Variants in EFHD1 observed in about 807,000 individuals in gnomAD.
The protein encoded by EFHD1 is EF-hand domain-containing protein D1.
Under a neutral mutation model 17.2 loss-of-function variants are expected in EFHD1, and 10 were observed. The ratio of observed to expected loss-of-function variants is 0.58; its 90% CI spans 0.36 to 0.99. The LOEUF (loss-of-function observed/expected upper bound fraction) is 0.99. EFHD1 is among the 50% of genes least tolerant of loss of function. The pLI, the probability that EFHD1 is intolerant of heterozygous loss-of-function variation, is 0.01. For missense variants in EFHD1, 310 were observed against 327.5 expected (o/e 0.95, Z 0.41); for synonymous variants, 153 against 142.0 (o/e 1.08, Z -0.55).
intron 1 of EFHD1, among the ~76,000 whole-genome samples, chr2:232,608,347 G>A (rs1693756145): frequency 6.6e-6 from 1 of 152,022 alleles, no homozygotes; most frequent in South Asian, 2.1e-4. Flanking sequence ...TCCAGCCTGA[G>A]CGAGACTTCA....
chr2:232,608,166 TC>T (rs1693753569), intron 1 of EFHD1, among the ~76,000 whole-genome samples: 1 of 151,890 alleles, frequency 6.6e-6, no homozygotes, highest in Admixed American at 6.6e-5. Flanking sequence ...AGTCAGGAGT[TC>T]AAGACTAGCC....
chr2:232,649,156 C>A (rs1694589143), intron 1 of EFHD1, among the ~76,000 whole-genome samples: 1 of 152,196 alleles, frequency 6.6e-6, no homozygotes, highest in South Asian at 2.1e-4. Flanking sequence ...GGACCTGAAA[C>A]CGGGAGGACG....
At chr2:232,622,068 C>T (rs191757517) in intron 1 of EFHD1, among the ~76,000 whole-genome samples, 8 of 152,340 alleles carry the variant, frequency 5.3e-5, no homozygotes, top group African/African-American at 1.9e-4. Flanking sequence ...GTGCCTAGCA[C>T]GAGGCAAACC....
Position 232,620,552 on chromosome 2 carries a change from A to AT in EFHD1, c.14+14389dup, listed in dbSNP as rs35098973. On this transcript the variant is annotated intron_variant, in intron 1 of 3. Coordinates refer to the EFHD1 transcript ENST00000409613. ...AGGTGTGTGCCATCACTCCTGTCTG[A>AT]TTTTTTTTTTGGTAGAGACAGGGTC... Among the ~76,000 whole-genome samples the AT allele has an allele frequency of 6.4e-3, 948 of 147,386 alleles. 8 individuals carry two copies. The highest frequency in any genetic ancestry group is 0.022 in the African/African-American group (883 of 40,378).
chr2:232,672,250 G>A (rs1451465523), intron 2 of EFHD1, 59 bp from the exon 3 acceptor site: 2 of 1,609,324 alleles, frequency 1.2e-6, no homozygotes, highest in African/African-American at 2.7e-5. Flanking sequence ...GGACCAGAGG[G>A]CTGGTTATGA....
chr2:232,607,299 G>A (rs1287518681), intron 1 of EFHD1, among the ~76,000 whole-genome samples: 1 of 151,794 alleles, frequency 6.6e-6, no homozygotes, highest in African/African-American at 2.4e-5. Flanking sequence ...AAAATTAGCC[G>A]GTCGGGCTGG....
chr2:232,611,070 C>T (rs1416119031), intron 1 of EFHD1, among the ~76,000 whole-genome samples: 1 of 152,164 alleles, frequency 6.6e-6, no homozygotes, highest in Non-Finnish European at 1.5e-5. Flanking sequence ...CCTAGATACT[C>T]AGGAGGCTGA....
At chr2:232,612,739 T>C (rs565588639) in intron 1 of EFHD1, among the ~76,000 whole-genome samples, 5 of 150,694 alleles carry the variant, frequency 3.3e-5, no homozygotes, top group Admixed American at 6.6e-5. Context: ...CTTTTCTTTT[T>C]TTTTTTTTTT....
chr2:232,653,240 G>A (rs946943036), intron 1 of EFHD1, among the ~76,000 whole-genome samples: 4 of 151,984 alleles, frequency 2.6e-5, no homozygotes, highest in African/African-American at 4.8e-5. Flanking sequence ...TGATCCACCC[G>A]CCTAGGCCTC....
At chr2:232,646,559 C>T (rs1484819965) in intron 1 of EFHD1, among the ~76,000 whole-genome samples, 2 of 149,866 alleles carry the variant, frequency 1.3e-5, no homozygotes, top group African/African-American at 2.4e-5. Context: ...ATTCTCCTGC[C>T]TCAGCCTCCT....
At chr2:232,641,786 G>A (rs948090572) in intron 1 of EFHD1, among the ~76,000 whole-genome samples, 24 of 152,134 alleles carry the variant, frequency 1.6e-4, no homozygotes, top group South Asian at 4.1e-4. Context: ...CTCACTTCTC[G>A]GCCTTTCCTC....
chr2:232,629,358 G>A (rs1694161470), upstream of EFHD1, among the ~76,000 whole-genome samples: 1 of 152,186 alleles, frequency 6.6e-6, no homozygotes, highest in African/African-American at 2.4e-5. Flanking sequence ...ATTTTCAGCT[G>A]CTCTACAGCA....
upstream of EFHD1, among the ~76,000 whole-genome samples, chr2:232,630,879 GA>G (rs1559341353): frequency 6.6e-6 from 1 of 151,756 alleles, no homozygotes; most frequent in African/African-American, 2.4e-5. Flanking sequence ...AGAGCTGTTA[GA>G]TTTTTTTAAC....
intron 1 of EFHD1, among the ~76,000 whole-genome samples, chr2:232,623,693 AAG>A (rs1370388496): frequency 5.9e-4 from 53 of 90,572 alleles, no homozygotes; most frequent in African/African-American, 1.6e-3. Context: ...AAAAAAAAAA[AAG>A]AAGAAGAAGA....
intron 1 of EFHD1, among the ~76,000 whole-genome samples, chr2:232,651,164 T>A (rs1694646912): frequency 6.6e-6 from 1 of 152,154 alleles, no homozygotes; most frequent in South Asian, 2.1e-4. Context: ...AGGGCCTCCC[T>A]CCTGGATTGA....
chr2:232,667,265 A>T (rs1694984030), intron 2 of EFHD1, among the ~76,000 whole-genome samples: 1 of 152,100 alleles, frequency 6.6e-6, no homozygotes, highest in Non-Finnish European at 1.5e-5. Context: ...CCATGGATGG[A>T]CCGCTGGTCT....
chr2:232,633,662 CCGTCCCGCGTCCCCG>C lies in EFHD1; in HGVS notation c.-39_-25del. 7.2e-7 allele frequency: 1 copy of C among 1,388,906 alleles called. No individual in the cohort carries two copies. Among genetic ancestry groups the C allele is most frequent in the East Asian group, 3.1e-5 (1 of 32,462 alleles). The allele number at this position is 1,388,906 out of a possible 1,614,324, so 86.0% of individuals were successfully genotyped here. A position where few individuals can be genotyped will look rare whatever the true frequency, so the allele number is the denominator to read the frequency against. ...GCGCCGCCCGCCAGCTCCCTGCGTCCCGTCCCGCGTCCCCGCGTTCCCGCGTCCTGCGATCCGCCG... is the reference window on the plus strand; with the variant it reads ...GCGCCGCCCGCCAGCTCCCTGCGTCCCGTTCCCGCGTCCTGCGATCCGCCG... On this transcript the variant is annotated 5_prime_UTR_variant, in exon 1 of 4. Coordinates refer to ENST00000264059, the MANE Select transcript of EFHD1 (RefSeq NM_025202.4).
At chr2:232,639,041 C>T (rs1041183372) in intron 1 of EFHD1, among the ~76,000 whole-genome samples, 2 of 152,154 alleles carry the variant, frequency 1.3e-5, no homozygotes, top group African/African-American at 4.8e-5. Context: ...TGCCAGCACG[C>T]ATGATTAACC....
chr2:232,657,834 G>A (rs192820886), intron 1 of EFHD1, among the ~76,000 whole-genome samples: 2 of 147,350 alleles, frequency 1.4e-5, no homozygotes, highest in Admixed American at 1.4e-4. Context: ...AAGAATACTA[G>A]TGTCCAGACT....
Sources: allele counts gnomAD v4.1 joint callset (sites outside exome capture counted in the v4.1 genomes callset), GRCh38; gene constraint gnomAD v4.1.1; transcripts MANE v1.5; gene names NCBI Gene and HGNC (gene_info 2026-07-23, HGNC 2026-07-21).